Variants in HS6ST3 observed in about 807,000 individuals in gnomAD.
HS6ST3 encodes the protein heparan sulfate 6-O-sulfotransferase 3.
A neutral mutation model predicts 36.7 loss-of-function variants in HS6ST3; 12 were observed. The observed-to-expected ratio is 0.33, with a 90% CI of 0.21 to 0.53. The LOEUF (loss-of-function observed/expected upper bound fraction) is 0.53, where lower values mean the gene tolerates loss of function less well. HS6ST3 is among the 20% of genes least tolerant of loss of function. The pLI is 0.95. For missense variants in HS6ST3, 584 were observed against 640.9 expected, an observed-to-expected ratio of 0.91 and a Z score of 0.96; for synonymous variants, 240 against 257.5, an observed-to-expected ratio of 0.93 and a Z score of 0.65.
At chr13:96,637,419 G>A (rs181395666) in intron 1 of HS6ST3, among the ~76,000 whole-genome samples, 153 of 152,156 alleles carry the variant, frequency 1.0e-3, no homozygotes, top group African/African-American at 3.5e-3. Context: ...TTAATTTTGA[G>A]GTCTTGACAA....
chr13:96,169,480 T>G (rs915557261), intron 1 of HS6ST3: 10 of 152,430 alleles, frequency 6.6e-5, no homozygotes, highest in Admixed American at 6.5e-4. Context: ...CACGCTGCCT[T>G]CAGGCTCCAG....
At chr13:96,114,195 A>C (rs1009386052) in intron 1 of HS6ST3, among the ~76,000 whole-genome samples, 1 of 151,664 alleles carries the variant, frequency 6.6e-6, no homozygotes, top group East Asian at 1.9e-4. Flanking sequence ...TCTGTCACCC[A>C]GGCTGGACTG....
At chr13:96,796,538 G>A (rs1463985945) in intron 1 of HS6ST3, among the ~76,000 whole-genome samples, 4 of 152,094 alleles carry the variant, frequency 2.6e-5, no homozygotes, top group Non-Finnish European at 4.4e-5. Flanking sequence ...ATGATTGGCT[G>A]AGAGAAAATT....
chr13:96,424,559 C>A (rs1350900771), intron 1 of HS6ST3, among the ~76,000 whole-genome samples: 1 of 152,124 alleles, frequency 6.6e-6, no homozygotes, highest in African/African-American at 2.4e-5. Context: ...GTTTGGGAGG[C>A]TGGGAAGTCC....
intron 1 of HS6ST3, among the ~76,000 whole-genome samples, chr13:96,461,813 A>T (rs2055785764): frequency 6.6e-6 from 1 of 152,176 alleles, no homozygotes; most frequent in Non-Finnish European, 1.5e-5. Flanking sequence ...TTCCAAATTC[A>T]TTATATGGGG....
intron 1 of HS6ST3, among the ~76,000 whole-genome samples, chr13:96,123,657 C>T (rs2053937184): frequency 6.6e-6 from 1 of 152,142 alleles, no homozygotes; most frequent in Admixed American, 6.5e-5. Flanking sequence ...TCCCAGAAGT[C>T]TGGCGTTGAA....
intron 1 of HS6ST3, among the ~76,000 whole-genome samples, chr13:96,673,258 C>T (rs922165513): frequency 1.3e-5 from 2 of 152,096 alleles, no homozygotes; most frequent in African/African-American, 2.4e-5. Context: ...CCTGATAATC[C>T]AGGATAATCT....
intron 1 of HS6ST3, among the ~76,000 whole-genome samples, chr13:96,192,455 G>A (rs569411240): frequency 2.0e-5 from 3 of 152,020 alleles, no homozygotes; most frequent in South Asian, 2.1e-4. Flanking sequence ...CACCCTCCCC[G>A]CTTTTGGGGT....
chr13:96,242,939 C>A (rs540572020), intron 1 of HS6ST3, among the ~76,000 whole-genome samples: 11 of 152,244 alleles, frequency 7.2e-5, no homozygotes, highest in Middle Eastern at 6.8e-3. Flanking sequence ...ACCTGAATGA[C>A]CATCCACAGA....
chr13:96,285,783 G>T (rs575991907), intron 1 of HS6ST3, among the ~76,000 whole-genome samples: 1 of 152,206 alleles, frequency 6.6e-6, no homozygotes, highest in South Asian at 2.1e-4. Flanking sequence ...AAGTCTTATG[G>T]TTCTCTAGCT....
chr13:96,298,237 C>T (rs1347758062), intron 1 of HS6ST3, among the ~76,000 whole-genome samples: 1 of 152,046 alleles, frequency 6.6e-6, no homozygotes, highest in Non-Finnish European at 1.5e-5. Context: ...GATAAGATGT[C>T]AGGATTTTCA....
At chr13:96,699,020 A>G (rs1875207997) in intron 1 of HS6ST3, among the ~76,000 whole-genome samples, 2 of 152,226 alleles carry the variant, frequency 1.3e-5, no homozygotes, top group Non-Finnish European at 2.9e-5. Flanking sequence ...TATTTAATAA[A>G]TGCTGCTGGG....
At chr13:96,150,885 A>G (rs1273593593) in intron 1 of HS6ST3, among the ~76,000 whole-genome samples, 2 of 152,228 alleles carry the variant, frequency 1.3e-5, no homozygotes, top group African/African-American at 4.8e-5. Context: ...TATATAATGT[A>G]TAACATAATA....
At chr13:96,480,713 C>T (rs1489597445) in intron 1 of HS6ST3, among the ~76,000 whole-genome samples, 1 of 152,134 alleles carries the variant, frequency 6.6e-6, no homozygotes, top group Non-Finnish European at 1.5e-5. Flanking sequence ...CTTCTGTCTA[C>T]CTTCTGCCGT....
chr13:96,556,218 G>A (rs2056240210), intron 1 of HS6ST3, among the ~76,000 whole-genome samples: 1 of 152,056 alleles, frequency 6.6e-6, no homozygotes, highest in Non-Finnish European at 1.5e-5. Context: ...GGTACAGCAG[G>A]GCTTTCCTTG....
chr13:96,281,700 T>G (rs538366432), intron 1 of HS6ST3, among the ~76,000 whole-genome samples: 3 of 152,324 alleles, frequency 2.0e-5, no homozygotes, highest in South Asian at 2.1e-4. Flanking sequence ...AGTACTAATT[T>G]GTTCTATGGT....
intron 1 of HS6ST3, among the ~76,000 whole-genome samples, chr13:96,801,843 A>T (rs1482469383): frequency 6.6e-6 from 1 of 152,100 alleles, no homozygotes; most frequent in Non-Finnish European, 1.5e-5. Flanking sequence ...ACAACAGAGA[A>T]CTCAGTTGAA....
intron 1 of HS6ST3, among the ~76,000 whole-genome samples, chr13:96,464,522 C>CA (rs1475479532): frequency 2.0e-5 from 3 of 151,978 alleles, no homozygotes; most frequent in African/African-American, 7.3e-5. Context: ...CATAACTCTA[C>CA]AAAAATGTTC....
intron 1 of HS6ST3, among the ~76,000 whole-genome samples, chr13:96,271,732 A>G (rs546922870): frequency 3.3e-5 from 5 of 152,062 alleles, no homozygotes; most frequent in Non-Finnish European, 7.3e-5. Context: ...TGGGAATTTC[A>G]TCTGCTGATC....
Sources: allele counts gnomAD v4.1 joint callset (sites outside exome capture counted in the v4.1 genomes callset), GRCh38; gene constraint gnomAD v4.1.1; transcripts MANE v1.5; gene names NCBI Gene and HGNC (gene_info 2026-07-23, HGNC 2026-07-21).